LRP1B: variants seen among roughly 807,000 people sequenced by gnomAD.
The protein encoded by LRP1B is LDL receptor related protein 1B.
In LRP1B, 217 loss-of-function variants were observed where a neutral mutation model predicts 556.6. The ratio of observed to expected loss-of-function variants is 0.39; its 90% CI spans 0.35 to 0.44. The LOEUF is 0.44. Among genes scored for constraint, LRP1B ranks in the 20% least tolerant of loss-of-function variants. The probability of loss-of-function intolerance (pLI) is 1.00; values close to 1 mark genes in which losing one functional copy is unlikely to be tolerated. For synonymous variants in LRP1B, 2,047 were observed against 1,865.8 expected (o/e 1.10, Z -2.50); for missense variants, 5,053 against 5,620.8 (o/e 0.90, Z 3.23).
intron 41 of LRP1B, among the ~76,000 whole-genome samples, chr2:140,640,673 G>A (rs953743209): frequency 2.6e-5 from 4 of 151,796 alleles, no homozygotes; most frequent in African/African-American, 9.7e-5. Flanking sequence ...GTGAGCCACC[G>A]CACCTGGCTC....
At chr2:140,619,742 C>T (rs1477542927) in intron 41 of LRP1B, among the ~76,000 whole-genome samples, 1 of 152,052 alleles carries the variant, frequency 6.6e-6, no homozygotes, top group Non-Finnish European at 1.5e-5. Flanking sequence ...ATTATTATGG[C>T]AATGCAGAGG....
chr2:140,840,697 T>C, intron 30 of LRP1B, among the ~76,000 whole-genome samples: 1 of 152,274 alleles, frequency 6.6e-6, no homozygotes, highest in Admixed American at 6.5e-5. Flanking sequence ...ATTAATGAGA[T>C]CTTACATATG....
chr2:141,389,535 G>A (rs541751008), intron 3 of LRP1B, among the ~76,000 whole-genome samples: 10 of 151,968 alleles, frequency 6.6e-5, no homozygotes, highest in Non-Finnish European at 1.3e-4. Context: ...AATCATGAAC[G>A]AATATTCATT....
At chr2:140,509,010 G>A (rs6754682) in intron 52 of LRP1B, among the ~76,000 whole-genome samples, 7,292 of 151,180 alleles carry the variant, frequency 0.048, 442 homozygotes, top group African/African-American at 0.15. Context: ...GGTCTGCCTC[G>A]AAGTTTTCTT....
In LRP1B at chr2:141,726,150, T is replaced by A. The variant is rs560745993; in HGVS notation, c.205+84129A>T. Among the ~76,000 whole-genome samples the A allele has an allele frequency of 5.2e-4, 79 of 151,442 alleles. 2 individuals carry two copies. The South Asian group carries it at 0.015, about 29-fold the overall frequency. The stretch of plus-strand genomic sequence containing the variant: ...ATAGGCATTAAAAGTCATGTAATAA[T>A]AAATGGCATGAAAATATATTCATAA... On this transcript the variant is annotated intron_variant, in intron 2 of 90. Transcript: ENST00000389484.
At position 141,549,502 on chromosome 2, in the gene LRP1B, T is replaced by C. The variant is rs540650279; in HGVS notation, c.206-68969A>G. On this transcript the variant is annotated intron_variant, in intron 2 of 90. Transcript: ENST00000389484. ...GCCCCAAAAGACTGGTATTTTCTGA[T>C]ACCAGTCTCTCTTTTTAGTTACTTC... is the stretch of plus-strand genomic sequence containing the variant. 7.9e-5 allele frequency among the ~76,000 whole-genome samples: 12 copies of C among 152,298 alleles called. No individual in the cohort carries two copies. In the East Asian group the frequency reaches 2.1e-3, roughly 27 times the overall value.
chr2:141,988,558 G>T (rs986718805), intron 1 of LRP1B, among the ~76,000 whole-genome samples: 48 of 151,852 alleles, frequency 3.2e-4, no homozygotes, highest in African/African-American at 1.0e-3. Context: ...ATTGGTTATG[G>T]GTTATGTTCC....
At chr2:141,968,136 G>A (rs1009361667) in intron 1 of LRP1B, among the ~76,000 whole-genome samples, 2 of 151,764 alleles carry the variant, frequency 1.3e-5, no homozygotes, top group Admixed American at 1.3e-4. Context: ...ATAATCCAGT[G>A]CTAAATGTGC....
intron 2 of LRP1B, among the ~76,000 whole-genome samples, chr2:141,740,875 T>C (rs1693672861): frequency 6.6e-6 from 1 of 152,118 alleles, no homozygotes; most frequent in Non-Finnish European, 1.5e-5. Context: ...TTTTTTCCTT[T>C]TTTGTACCCA....
chr2:142,089,676 A>G (rs1411114397), intron 1 of LRP1B, among the ~76,000 whole-genome samples: 9 of 152,236 alleles, frequency 5.9e-5, no homozygotes. Flanking sequence ...TAAATGCAAT[A>G]GCAGGAGATT....
chr2:140,531,678 T>C (rs535085089), intron 47 of LRP1B, among the ~76,000 whole-genome samples: 52 of 152,276 alleles, frequency 3.4e-4, no homozygotes, highest in African/African-American at 1.2e-3. Flanking sequence ...ACATTCACTG[T>C]CTTTACTCCC....
chr2:140,917,999 A>C (rs949387997), intron 21 of LRP1B, among the ~76,000 whole-genome samples: 6 of 152,116 alleles, frequency 3.9e-5, no homozygotes, highest in African/African-American at 1.4e-4. Context: ...CTGTGAACCT[A>C]AAATTTGTCT....
chr2:141,779,924 T>G (rs1695196526), intron 2 of LRP1B, among the ~76,000 whole-genome samples: 1 of 151,772 alleles, frequency 6.6e-6, no homozygotes, highest in Non-Finnish European at 1.5e-5. Context: ...ATACTATTCC[T>G]ACTTCTATCA....
At chr2:141,350,361 A>AG (rs1402930484) in intron 3 of LRP1B, among the ~76,000 whole-genome samples, 1 of 152,070 alleles carries the variant, frequency 6.6e-6, no homozygotes, top group Admixed American at 6.6e-5. Flanking sequence ...AAAGATGGCG[A>AG]GGGGAGACTG....
intron 66 of LRP1B, among the ~76,000 whole-genome samples, chr2:140,434,453 T>C (rs1686087779): frequency 6.6e-6 from 1 of 152,194 alleles, no homozygotes; most frequent in Admixed American, 6.5e-5. Context: ...ATAATTTCTC[T>C]CAAGATTTTG....
rs2105385892 is a variant in LRP1B at position 141,013,721 on chromosome 2, T to A, written c.2215A>T (p.Asn739Tyr). The A allele has an allele frequency of 6.3e-7, 1 of 1,592,390 alleles. No homozygotes were observed. Among genetic ancestry groups the A allele is most frequent in the Non-Finnish European group, 8.5e-7 (1 of 1,170,408 alleles). ...RKIVYSGREL[N>Y]HPFGLSHHGN... Reference sequence around the variant, plus strand: ...TGATGCGACAGTCCGAAAGGGTGGTTCAACTCTCTCCCACTGTAAACAATC... The same window carrying A: ...TGATGCGACAGTCCGAAAGGGTGGTACAACTCTCTCCCACTGTAAACAATC... The change falls in exon 14 of 91, where the codon AAC (asparagine) becomes TAC (tyrosine). Residue 739 changes from asparagine to tyrosine, a missense_variant. Asn to Tyr is a moderately radical substitution (Grantham distance 143). This residue lies in a region of LRP1B where 3,619 missense variants were observed against 3,931.9 expected (regional missense o/e 0.92). Transcript: ENST00000389484.
intron 66 of LRP1B, among the ~76,000 whole-genome samples, chr2:140,433,240 G>T (rs145604925): frequency 3.9e-5 from 6 of 152,194 alleles, no homozygotes; most frequent in Admixed American, 6.5e-5. Flanking sequence ...TTGGATTACA[G>T]GCGCACATCA....
intron 3 of LRP1B, among the ~76,000 whole-genome samples, chr2:141,293,135 T>C (rs188839465): frequency 8.5e-4 from 129 of 152,266 alleles, no homozygotes; most frequent in African/African-American, 3.0e-3. Context: ...TGGTGAGATG[T>C]CAAATGAAGG....
At chr2:140,447,941 A>G (rs1392358376) in intron 63 of LRP1B, among the ~76,000 whole-genome samples, 1 of 152,128 alleles carries the variant, frequency 6.6e-6, no homozygotes, top group Admixed American at 6.6e-5. Flanking sequence ...GCCAGAACAT[A>G]CACAATATTT....
Sources: allele counts gnomAD v4.1 joint callset (sites outside exome capture counted in the v4.1 genomes callset), GRCh38; gene constraint gnomAD v4.1.1; regional missense constraint gnomAD v4.1.1; transcripts MANE v1.5; gene names NCBI Gene and HGNC (gene_info 2026-07-23, HGNC 2026-07-21).